Variants in SETD1A observed in about 807,000 individuals in gnomAD.
SETD1A encodes SET domain containing 1A, histone lysine methyltransferase, also known as histone-lysine N-methyltransferase SETD1A.
A neutral mutation model predicts 149.9 loss-of-function variants in SETD1A; 29 were observed. That is an observed-to-expected ratio of 0.19 (90% confidence interval 0.14 to 0.26). SETD1A has a LOEUF of 0.26. Among genes scored for constraint, SETD1A ranks in the 10% least tolerant of loss-of-function variants. SETD1A has a pLI of 1.00. For missense variants in SETD1A, 2,109 were observed against 2,353.1 expected (o/e 0.90, Z 2.15); for synonymous variants, 1,141 against 968.5 (o/e 1.18, Z -3.31).
Position 30,976,874 on chromosome 16 carries a change from C to T in SETD1A, c.3359-2271C>T, listed in dbSNP as rs1456511885. 2.0e-5 allele frequency among the ~76,000 whole-genome samples: 3 copies of T among 151,910 alleles called. No individual in the cohort carries two copies. The East Asian group carries it at 5.8e-4, about 29-fold the overall frequency. ...GTGTCTGGATAGTGAGAGGGCACGA[C>T]AAGGGAGTCTGAGTTACCGAGGACA... is the stretch of plus-strand genomic sequence containing the variant. On this transcript the variant is annotated intron_variant, in intron 13 of 18. Transcript: ENST00000262519.
chr16:30,959,017 C>A, intron 2 of SETD1A, 74 bp from the exon 3 acceptor site: 1 of 1,432,298 alleles, frequency 7.0e-7, no homozygotes, highest in South Asian at 1.1e-5. Flanking sequence ...ATGTGTGTGT[C>A]CAGATGGGCT....
chr16:30,984,072 C>G lies in SETD1A; in HGVS notation c.*49C>G, dbSNP rs915130109. Reference sequence around the variant, plus strand: ...ACCCCTATTTATTCCCCCTGGTGCCCTGAGCTCCCAGCACCCCCCCAGCCT... The same window carrying G: ...ACCCCTATTTATTCCCCCTGGTGCCGTGAGCTCCCAGCACCCCCCCAGCCT... On this transcript the variant is annotated 3_prime_UTR_variant, in exon 19 of 19. Transcript: ENST00000262519. 6.5e-7 allele frequency: 1 copy of G among 1,541,316 alleles called. No individual in the cohort carries two copies. The highest frequency in any genetic ancestry group is 8.8e-7 in the Non-Finnish European group (1 of 1,135,272).
chr16:30,979,988 G>GGCC lies in SETD1A; in HGVS notation c.4202_4203insGCC (p.Arg1401_Arg1402insPro). ...AGCCTCCGCTCCCACGCCCGGCGCC[G>GGCC]CCGCCCTCCGCCCCCACCCCCGCCG... On this transcript the variant is annotated inframe_insertion, in exon 14 of 19. Coordinates refer to ENST00000262519, the MANE Select transcript of SETD1A (RefSeq NM_014712.3). The GGCC allele has an allele frequency of 6.7e-7, 1 of 1,494,206 alleles. No homozygotes were observed. The highest frequency in any genetic ancestry group is 8.9e-7 in the Non-Finnish European group (1 of 1,126,936). The allele number at this position is 1,494,206 out of a possible 1,614,324, so 92.6% of individuals were successfully genotyped here.
At chr16:30,960,730 CTTTTTT>C (rs71374043) in intron 3 of SETD1A, among the ~76,000 whole-genome samples, 4 of 80,552 alleles carry the variant, frequency 5.0e-5, no homozygotes, top group South Asian at 4.1e-4. Flanking sequence ...TTCTTTCTTT[CTTTTTT>C]TTTTTTTTTT....
chr16:30,967,279 G>A lies in SETD1A; in HGVS notation c.2682+219G>A, dbSNP rs111412580. Among the ~76,000 whole-genome samples, 142 of 152,100 alleles carry A rather than the reference G, an allele frequency of 9.3e-4. 2 individuals are homozygous for A. The highest frequency in any genetic ancestry group is 3.2e-4 in the Non-Finnish European group (22 of 67,980). Reference sequence around the variant, plus strand: ...AGCGATTCTCCTGCCTCAGCCTCCCGAGTAGCTGGGGTTACAGGCACCCGC... The same window carrying A: ...AGCGATTCTCCTGCCTCAGCCTCCCAAGTAGCTGGGGTTACAGGCACCCGC... On this transcript the variant is annotated intron_variant, in intron 9 of 18. Transcript: ENST00000262519.
Position 30,961,310 on chromosome 16 carries a change from C to T in SETD1A, c.290C>T (p.Thr97Ile). 6.2e-7 allele frequency: 1 copy of T among 1,614,180 alleles called. No homozygotes were observed. The change falls in exon 4 of 19, where the codon ACT (threonine) becomes ATT (isoleucine). Residue 97 changes from threonine to isoleucine, a missense_variant. Thr to Ile is a moderately conservative substitution (Grantham distance 89, BLOSUM62 -1). Around this residue, in one of 8 missense-constraint regions of SETD1A, gnomAD observed 62 missense variants for 149.5 expected, o/e 0.41. Transcript: ENST00000262519. The surrounding 1 kb of genome is among the most constrained non-coding windows in gnomAD (Gnocchi z 4.0). ...YIGQIPLKEV[T>I]FARLNDNVRE... ...GGACAGATTCCACTGAAGGAAGTGA[C>T]TTTTGCAAGGCTGAATGACAACGTG...
In SETD1A at chr16:30,980,804, C is replaced by T. The variant is rs778204532; in HGVS notation, c.4647C>T (p.Thr1549=). The T allele has an allele frequency of 2.5e-6, 4 of 1,613,158 alleles. No homozygotes were observed. The highest frequency in any genetic ancestry group is 2.2e-5 in the South Asian group (2 of 91,076). Residue 1549 remains threonine, a synonymous_variant, in exon 16 of 19, where the codon ACC becomes ACT. Transcript: ENST00000262519. The surrounding 1 kb of genome is among the most constrained non-coding windows in gnomAD (Gnocchi z 7.7). ...EQRRLLSAIG[T]SAIMDSDLLK... ...GGCGGCTGCTGAGCGCCATCGGTACCTCCGCCATCATGGACAGTGACCTGC... is the reference window on the plus strand; with the variant it reads ...GGCGGCTGCTGAGCGCCATCGGTACTTCCGCCATCATGGACAGTGACCTGC...
intron 13 of SETD1A, among the ~76,000 whole-genome samples, chr16:30,978,130 T>C (rs1187982288): frequency 6.6e-6 from 1 of 151,896 alleles, no homozygotes; most frequent in Non-Finnish European, 1.5e-5. Context: ...AAAACTTAGC[T>C]GGGTGTGGTG....
At position 30,966,067 on chromosome 16, in the gene SETD1A, C is replaced by T. The variant is rs2056140542; in HGVS notation, c.2186C>T (p.Pro729Leu). ...PPPQEAAYGL[P>L]YALYAQGQEG... Reference sequence around the variant, plus strand: ...CCGCAGGAGGCAGCCTACGGCTTGCCGTATGCTCTATATGCACAGGGGCAG... The same window carrying T: ...CCGCAGGAGGCAGCCTACGGCTTGCTGTATGCTCTATATGCACAGGGGCAG... Residue 729 changes from proline to leucine, a missense_variant, in exon 8 of 19, where the codon CCG (proline) becomes CTG (leucine). By Grantham distance (98) the Pro-to-Leu change is moderately conservative (BLOSUM62 -3). This residue lies in a region of SETD1A where 431 missense variants were observed against 388.6 expected (regional missense o/e 1.11). Coordinates refer to ENST00000262519, the MANE Select transcript of SETD1A (RefSeq NM_014712.3). 7.0e-6 allele frequency: 11 copies of T among 1,581,296 alleles called. No individual in the cohort carries two copies. The highest frequency in any genetic ancestry group is 2.2e-5 in the East Asian group (1 of 44,522).
intron 13 of SETD1A, among the ~76,000 whole-genome samples, chr16:30,976,811 G>A (rs1023317185): frequency 2.0e-5 from 3 of 152,100 alleles, no homozygotes; most frequent in African/African-American, 7.2e-5. Flanking sequence ...GGAGGTGGCA[G>A]AGGTGGAAGA....
chr16:30,961,167 A>C lies in SETD1A; in HGVS notation c.247-100A>C. On this transcript the variant is annotated intron_variant, in intron 3 of 18. Coordinates refer to ENST00000262519, the MANE Select transcript of SETD1A (RefSeq NM_014712.3). The surrounding 1 kb of genome is among the most constrained non-coding windows in gnomAD (Gnocchi z 4.0). ...CTTCCCTTGCCCCTCACTTTCCCGG[A>C]TCTCTCTCTTGACTTCATGGAGCTT... 2 of 1,258,558 alleles carry C rather than the reference A, an allele frequency of 1.6e-6. No individual in the cohort carries two copies. The highest frequency in any genetic ancestry group is 1.1e-6 in the Non-Finnish European group (1 of 880,276). 78.0% of individuals were successfully genotyped at this position (1,258,558 alleles called of 1,614,324 possible). A position where few individuals can be genotyped will look rare whatever the true frequency, so the allele number is the denominator to read the frequency against.
At position 30,979,793 on chromosome 16, in the gene SETD1A, T is replaced by A; in HGVS notation, c.4007T>A (p.Leu1336Gln). The change falls in exon 14 of 19, where the codon CTG (leucine) becomes CAG (glutamine). Residue 1336 changes from leucine (L) to glutamine (Q), a missense_variant. By Grantham distance (113) the Leu-to-Gln change is moderately radical. Transcript: ENST00000262519. ...ALFSSPADEVLEAPEVVVAEA... is the reference protein window; with the variant it reads ...ALFSSPADEVQEAPEVVVAEA... Reference sequence around the variant, plus strand: ...TTCAGTTCCCCAGCTGATGAGGTCCTGGAGGCCCCCGAGGTGGTGGTGGCT... The same window carrying A: ...TTCAGTTCCCCAGCTGATGAGGTCCAGGAGGCCCCCGAGGTGGTGGTGGCT... 6.3e-7 allele frequency: 1 copy of A among 1,581,792 alleles called. No individual in the cohort carries two copies.
rs532680436 is a variant in SETD1A, at chr16:30,979,713, G to A, written c.3927G>A (p.Thr1309=). ...EHNYALAVKP[T]PPAPALRPPE... is the part of the protein sequence containing the mutation. Reference sequence around the variant, plus strand: ...ACTATGCCCTGGCCGTCAAGCCCACGCCCCCTGCGCCAGCCCTGCGGCCCC... The same window carrying A: ...ACTATGCCCTGGCCGTCAAGCCCACACCCCCTGCGCCAGCCCTGCGGCCCC... Residue 1309 remains threonine, a synonymous_variant, in exon 14 of 19, where the codon ACG becomes ACA. Coordinates refer to ENST00000262519, the MANE Select transcript of SETD1A (RefSeq NM_014712.3). 13 of 1,601,402 alleles carry A rather than the reference G, an allele frequency of 8.1e-6. No homozygotes were observed. The highest frequency in any genetic ancestry group is 1.7e-5 in the Admixed American group (1 of 59,872).
intron 17 of SETD1A, among the ~76,000 whole-genome samples, chr16:30,981,736 C>T (rs927131844): frequency 6.6e-6 from 1 of 152,204 alleles, no homozygotes; most frequent in Non-Finnish European, 1.5e-5. Context: ...CAAGTATCCA[C>T]ACAGAAGGAT....
rs747853136 is a variant in SETD1A, at chr16:30,965,188, C to T, written c.1446C>T (p.Phe482=). ...AGACCACCAATGAGAGTGTGCCCTT[C>T]GCCCAGCACAGCAGCCTGGATTCCC... ...APETTNESVP[F]AQHSSLDSRI... The change falls in exon 7 of 19, where the codon TTC becomes TTT. Residue 482 remains phenylalanine (F), a synonymous_variant. Coordinates refer to ENST00000262519, the MANE Select transcript of SETD1A (RefSeq NM_014712.3). 59 of 1,614,068 alleles carry T rather than the reference C, an allele frequency of 3.7e-5. No homozygotes were observed. The highest frequency in any genetic ancestry group is 1.6e-4 in the East Asian group (7 of 44,878).
chr16:30,971,984 G>A (rs551996097), intron 13 of SETD1A, among the ~76,000 whole-genome samples: 52 of 152,296 alleles, frequency 3.4e-4, no homozygotes, highest in African/African-American at 1.1e-3. Context: ...AAATTAAGGA[G>A]AAAGTGCCCA....
At position 30,969,598 on chromosome 16, in the gene SETD1A, T is replaced by G. The variant is rs2143526079; in HGVS notation, c.2929-4T>G. On this transcript the variant is annotated splice_region_variant and splice_polypyrimidine_tract_variant and intron_variant, in intron 11 of 18. Coordinates refer to ENST00000262519, the MANE Select transcript of SETD1A (RefSeq NM_014712.3). ...GTTAGTCCTCATTTGTCTTTTTTCT[T>G]AAGGATGAGGAGGATGACGAGGAAG... 6.2e-7 allele frequency: 1 copy of G among 1,613,780 alleles called. No individual in the cohort carries two copies. Among genetic ancestry groups the G allele is most frequent in the Non-Finnish European group, 8.5e-7 (1 of 1,179,746 alleles).
chr16:30,972,848 T>A (rs2056241734), intron 13 of SETD1A, among the ~76,000 whole-genome samples: 1 of 150,882 alleles, frequency 6.6e-6, no homozygotes, highest in Non-Finnish European at 1.5e-5. Flanking sequence ...AGCGAGACCC[T>A]GTCTCAAAAA....
intron 12 of SETD1A, among the ~76,000 whole-genome samples, chr16:30,970,980 C>T (rs559811119): frequency 2.0e-5 from 3 of 152,228 alleles, no homozygotes; most frequent in Admixed American, 6.5e-5. Flanking sequence ...CCCAATCCTT[C>T]GTCCAGACTG....
Sources: gnomAD v4.1 joint callset for allele counts (sites outside exome capture counted in the v4.1 genomes callset) on GRCh38, gnomAD v4.1.1 for gene constraint, gnomAD v4.1.1 regional missense constraint, Gnocchi (gnomAD v3.1) non-coding constraint, MANE v1.5 for transcripts, NCBI Gene and HGNC (gene_info 2026-07-23, HGNC 2026-07-21) for gene names.